Variants in MBOAT1 observed in about 807,000 individuals in gnomAD.
MBOAT1 encodes membrane bound glycerophospholipid O-acyltransferase 1.
In MBOAT1, 67 loss-of-function variants were observed where a neutral mutation model predicts 64.4. The ratio of observed to expected loss-of-function variants is 1.04; its 90% CI spans 0.85 to 1.27. The LOEUF (loss-of-function observed/expected upper bound fraction) is 1.27, where lower values mean the gene tolerates loss of function less well. MBOAT1 is among the 50% of genes most tolerant of loss of function. The probability of loss-of-function intolerance (pLI) is 0.00; values close to 1 mark genes in which losing one functional copy is unlikely to be tolerated. For synonymous variants in MBOAT1, 229 were observed against 218.9 expected (o/e 1.05, Z -0.41); for missense variants, 563 against 604.6 (o/e 0.93, Z 0.72).
intron 9 of MBOAT1, among the ~76,000 whole-genome samples, chr6:20,117,677 T>A (rs1475876459): frequency 1.3e-5 from 2 of 152,170 alleles, no homozygotes; most frequent in Non-Finnish European, 2.9e-5. Flanking sequence ...AACTCTCCAG[T>A]GGACTCTGTC....
intron 8 of MBOAT1, among the ~76,000 whole-genome samples, chr6:20,121,385 C>T (rs1342825586): frequency 6.6e-6 from 1 of 152,112 alleles, no homozygotes; most frequent in Non-Finnish European, 1.5e-5. Flanking sequence ...TGTAACAAAC[C>T]TCAAATTGAG....
chr6:20,195,605 C>CTGTGTGTGTG lies in MBOAT1; in HGVS notation c.99+16521_99+16530dup, dbSNP rs10540923. Among the ~76,000 whole-genome samples, 449 of 149,634 alleles carry CTGTGTGTGTG rather than the reference C, an allele frequency of 3.0e-3. 3 individuals carry two copies. Among genetic ancestry groups the CTGTGTGTGTG allele is most frequent in the Middle Eastern group, 0.014 (4 of 290 alleles). ...CTCAGCTGACAGGAAAATAAATTGCCTGTGTGTGTGTGTGTGTGTGTGTGT... is the reference window on the plus strand; with the variant it reads ...CTCAGCTGACAGGAAAATAAATTGCCTGTGTGTGTGTGTGTGTGTGTGTGTGTGTGTGTGT... On this transcript the variant is annotated intron_variant, in intron 1 of 12. Coordinates refer to ENST00000324607, the MANE Select transcript of MBOAT1 (RefSeq NM_001080480.3).
intron 3 of MBOAT1, among the ~76,000 whole-genome samples, chr6:20,148,930 G>A (rs1230598008): frequency 1.3e-5 from 2 of 151,642 alleles, no homozygotes; most frequent in East Asian, 1.9e-4. Context: ...GTGAAACCCC[G>A]TCTCGACTAA....
chr6:20,160,727 G>T (rs898925351), intron 1 of MBOAT1, among the ~76,000 whole-genome samples: 1 of 152,120 alleles, frequency 6.6e-6, no homozygotes, highest in Non-Finnish European at 1.5e-5. Flanking sequence ...ATGTAGCTGG[G>T]AAAGAGTACT....
chr6:20,106,531 T>C (rs1391375626), intron 12 of MBOAT1, among the ~76,000 whole-genome samples: 1 of 152,152 alleles, frequency 6.6e-6, no homozygotes, highest in Non-Finnish European at 1.5e-5. Context: ...CAAGCAATTC[T>C]CCTGCCTCAG....
At chr6:20,155,973 C>A (rs1382549748) in intron 1 of MBOAT1, among the ~76,000 whole-genome samples, 2 of 152,144 alleles carry the variant, frequency 1.3e-5, no homozygotes, top group Non-Finnish European at 2.9e-5. Flanking sequence ...CAAATAAATG[C>A]TTTAAAATTT....
rs767357069 is a variant in MBOAT1 at position 20,143,264 on chromosome 6, G to A, written c.419+956C>T. Reference sequence around the variant, plus strand: ...AGTTGTTCCTGAACTAACCTCAACAGGGCATAGAATTCTCAGTTTTCCATC... The same window carrying A: ...AGTTGTTCCTGAACTAACCTCAACAAGGCATAGAATTCTCAGTTTTCCATC... On this transcript the variant is annotated intron_variant, in intron 4 of 12. Coordinates refer to ENST00000324607, the MANE Select transcript of MBOAT1 (RefSeq NM_001080480.3). Among the ~76,000 whole-genome samples, 33 of 152,306 alleles carry A rather than the reference G, an allele frequency of 2.2e-4. No homozygotes were observed. The Middle Eastern group carries it at 0.01, about 47-fold the overall frequency.
At position 20,171,464 on chromosome 6, in the gene MBOAT1, G is replaced by A. The variant is rs527692229; in HGVS notation, c.100-18695C>T. ...GCTACTCAGGAGGCTGAGGCAGGAG[G>A]ATCACTTGAGCCCGGGAGGTCTAGG... On this transcript the variant is annotated intron_variant, in intron 1 of 12. Transcript: ENST00000324607. 1.7e-3 allele frequency among the ~76,000 whole-genome samples: 260 copies of A among 151,796 alleles called. 1 individual carries two copies. The highest frequency in any genetic ancestry group is 0.014 in the Middle Eastern group (4 of 288).
At position 20,101,686 on chromosome 6, in the gene MBOAT1, A is replaced by C. The variant is rs1759791195; in HGVS notation, c.*600T>G. Among the ~76,000 whole-genome samples, 1 of 152,318 alleles carries C rather than the reference A, an allele frequency of 6.6e-6. No homozygotes were observed. Among genetic ancestry groups the C allele is most frequent in the East Asian group, 1.9e-4 (1 of 5,180 alleles). On this transcript the variant is annotated 3_prime_UTR_variant, in exon 13 of 13. Coordinates refer to ENST00000324607, the MANE Select transcript of MBOAT1 (RefSeq NM_001080480.3). ...TGGAAATCATGCAGGAAGGGCAAAA[A>C]GCCAGCAGCCCAGAATGGACTGTCT...
At chr6:20,188,947 T>C (rs1762730133) in intron 1 of MBOAT1, among the ~76,000 whole-genome samples, 1 of 152,214 alleles carries the variant, frequency 6.6e-6, no homozygotes, top group Non-Finnish European at 1.5e-5. Flanking sequence ...AGTTTCTTCC[T>C]TTCCCACCTC....
Position 20,205,113 on chromosome 6 carries a change from T to G in MBOAT1, c.99+7023A>C, listed in dbSNP as rs1581469891. The stretch of plus-strand genomic sequence containing the variant: ...ACTTGGGAAGCTGAGGCAGGAGGAT[T>G]GCTTGAGCTCAAGAGTTTGAGACTG... On this transcript the variant is annotated intron_variant, in intron 1 of 12. Coordinates refer to ENST00000324607, the MANE Select transcript of MBOAT1 (RefSeq NM_001080480.3). Among the ~76,000 whole-genome samples the G allele has an allele frequency of 2.0e-5, 3 of 152,036 alleles. No individual in the cohort carries two copies. The East Asian group carries it at 5.8e-4, about 29-fold the overall frequency.
chr6:20,144,087 C>T, intron 4 of MBOAT1, 133 bp downstream of exon 4: 1 of 626,984 alleles, frequency 1.6e-6, no homozygotes, highest in Non-Finnish European at 2.9e-6. Context: ...AGCCTCAATC[C>T]CATTAGCAGT....
intron 1 of MBOAT1, among the ~76,000 whole-genome samples, chr6:20,170,792 C>A (rs191313473): frequency 9.7e-4 from 148 of 152,262 alleles, no homozygotes; most frequent in Admixed American, 2.6e-3. Context: ...ATTGTAATGA[C>A]CTCTTTACCT....
At chr6:20,112,495 T>C (rs1760198585) in intron 11 of MBOAT1, among the ~76,000 whole-genome samples, 1 of 152,178 alleles carries the variant, frequency 6.6e-6, no homozygotes, top group Non-Finnish European at 1.5e-5. Flanking sequence ...AATGAGAAAT[T>C]AAGCAAAGTA....
intron 4 of MBOAT1, among the ~76,000 whole-genome samples, chr6:20,132,667 G>A (rs548306308): frequency 4.0e-4 from 61 of 152,286 alleles, no homozygotes; most frequent in African/African-American, 1.4e-3. Context: ...TTCAGGTTAC[G>A]CACTGGTTTC....
chr6:20,202,606 CTTT>C (rs60318364), intron 1 of MBOAT1, among the ~76,000 whole-genome samples: 2 of 140,944 alleles, frequency 1.4e-5, no homozygotes, highest in African/African-American at 2.6e-5. Context: ...TTATCAAGGG[CTTT>C]TTTTTTTTTT....
intron 1 of MBOAT1, among the ~76,000 whole-genome samples, chr6:20,180,715 T>G (rs1433205878): frequency 6.6e-6 from 1 of 152,214 alleles, no homozygotes. Context: ...GCTTTTAAAT[T>G]TGACACCATC....
chr6:20,193,604 CTTTTT>C (rs367932037), intron 1 of MBOAT1, among the ~76,000 whole-genome samples: 1 of 129,740 alleles, frequency 7.7e-6, no homozygotes, highest in African/African-American at 2.9e-5. Context: ...ACCAAAAATC[CTTTTT>C]TTTTTTTTTT....
In MBOAT1 at chr6:20,124,595, A is replaced by G; in HGVS notation, c.720T>C (p.Ala240=). 3.1e-6 allele frequency: 5 copies of G among 1,613,860 alleles called. No homozygotes were observed. Among genetic ancestry groups the G allele is most frequent in the Non-Finnish European group, 4.2e-6 (5 of 1,179,826 alleles). ...HSLPEPSPTG[A]VIHKLGITLV... ...AGGTGATGCCCAACTTGTGTATCAC[A>G]GCTCCCTGAAAATGGGGAAAAATCA... Residue 240 remains alanine, a synonymous_variant, in exon 8 of 13, where the codon GCT becomes GCC. Transcript: ENST00000324607.
Sources: gnomAD v4.1 joint callset for allele counts (sites outside exome capture counted in the v4.1 genomes callset) on GRCh38, gnomAD v4.1.1 for gene constraint, MANE v1.5 for transcripts, NCBI Gene and HGNC (gene_info 2026-07-23, HGNC 2026-07-21) for gene names.